Variants in PDGFC observed in about 807,000 individuals in gnomAD.
The protein encoded by PDGFC is platelet-derived growth factor C.
PDGFC carries 12 observed loss-of-function variants against 35.5 expected under a neutral mutation model. The observed-to-expected ratio is 0.34, with a 90% CI of 0.22 to 0.55. The LOEUF (loss-of-function observed/expected upper bound fraction) is 0.55. Among genes scored for constraint, PDGFC ranks in the 20% least tolerant of loss-of-function variants. The pLI, the probability that PDGFC is intolerant of heterozygous loss-of-function variation, is 0.91. For missense variants in PDGFC, 322 were observed against 412.4 expected (o/e 0.78, Z 1.90); for synonymous variants, 159 against 148.8 (o/e 1.07, Z -0.50).
chr4:156,798,152 A>C (rs1175962038), intron 3 of PDGFC, among the ~76,000 whole-genome samples: 1 of 152,216 alleles, frequency 6.6e-6, no homozygotes, highest in East Asian at 1.9e-4. Context: ...AGATTGCAAC[A>C]CTGCACTCCA....
intron 1 of PDGFC, among the ~76,000 whole-genome samples, chr4:156,951,095 A>C (rs1165230054): frequency 6.6e-6 from 1 of 151,900 alleles, no homozygotes; most frequent in Non-Finnish European, 1.5e-5. Context: ...CTAAACAAAT[A>C]ATGTTAAGAG....
intron 1 of PDGFC, among the ~76,000 whole-genome samples, chr4:156,856,222 C>T (rs17035329): frequency 0.11 from 17,043 of 152,052 alleles, 1,151 homozygotes; most frequent in African/African-American, 0.19. Flanking sequence ...AAAGTGATTG[C>T]TATATTCAGT....
In PDGFC at chr4:156,763,151, T is replaced by G. The variant is rs777243935; in HGVS notation, c.977A>C (p.Asp326Ala). 1.2e-6 allele frequency: 2 copies of G among 1,613,506 alleles called. No individual in the cohort carries two copies. Among genetic ancestry groups the G allele is most frequent in the Non-Finnish European group, 1.7e-6 (2 of 1,179,462 alleles). The change falls in exon 6 of 6, where the codon GAC becomes GCC. Residue 326 changes from aspartate (D) to alanine (A), a missense_variant. By Grantham distance (126) the Asp-to-Ala change is moderately radical. Around this residue, in one of 2 missense-constraint regions of PDGFC, gnomAD observed 202 missense variants for 295.9 expected, o/e 0.68. Coordinates refer to ENST00000502773, the MANE Select transcript of PDGFC (RefSeq NM_016205.3). The part of the protein sequence containing the change: ...GVRGLHKSLT[D>A]VALEHHEECD... ...CTCCTCATGGTGCTCCAGGGCCACG[T>G]CGGTGAGTGATTTGTGCAATCCCCT...
intron 3 of PDGFC, among the ~76,000 whole-genome samples, chr4:156,780,831 T>C (rs1287009433): frequency 6.6e-6 from 1 of 152,132 alleles, no homozygotes; most frequent in African/African-American, 2.4e-5. Context: ...CATGGCTGAA[T>C]CCAATGGTCT....
chr4:156,800,377 C>A (rs1000989849), intron 3 of PDGFC, among the ~76,000 whole-genome samples: 1 of 151,894 alleles, frequency 6.6e-6, no homozygotes, highest in African/African-American at 2.4e-5. Context: ...TATCAGAGGA[C>A]ATAAAAATGG....
chr4:156,810,427 T>C (rs1322816215), intron 3 of PDGFC, among the ~76,000 whole-genome samples: 5 of 151,986 alleles, frequency 3.3e-5, no homozygotes, highest in African/African-American at 9.7e-5. Flanking sequence ...ACTTCAATCA[T>C]ACATGATAAA....
chr4:156,851,480 T>C (rs1238672328), intron 1 of PDGFC, among the ~76,000 whole-genome samples: 2 of 152,130 alleles, frequency 1.3e-5, no homozygotes, highest in African/African-American at 4.8e-5. Flanking sequence ...GGGGAGAGAA[T>C]TGAGAGAAAG....
At chr4:156,957,548 G>A (rs1202463982) in intron 1 of PDGFC, among the ~76,000 whole-genome samples, 1 of 151,608 alleles carries the variant, frequency 6.6e-6, no homozygotes, top group Non-Finnish European at 1.5e-5. Flanking sequence ...TTTCCTTCAT[G>A]GCTTCCTCTT....
At chr4:156,764,347 G>C (rs1027178269) in intron 5 of PDGFC, among the ~76,000 whole-genome samples, 1 of 152,096 alleles carries the variant, frequency 6.6e-6, no homozygotes, top group Non-Finnish European at 1.5e-5. Context: ...CTTACTGGGT[G>C]CCAGGCACAA....
intron 1 of PDGFC, among the ~76,000 whole-genome samples, chr4:156,960,173 T>C (rs1008911861): frequency 2.0e-5 from 3 of 150,948 alleles, no homozygotes; most frequent in African/African-American, 7.3e-5. Flanking sequence ...GATTGCTGCT[T>C]TTGAAATAGA....
At chr4:156,823,212 C>T (rs1359188716) in intron 2 of PDGFC, among the ~76,000 whole-genome samples, 4 of 151,996 alleles carry the variant, frequency 2.6e-5, no homozygotes, top group African/African-American at 9.7e-5. Context: ...CAAGACCCAT[C>T]TGGACAACAT....
At chr4:156,824,311 TATATATATATATATATACAC>T (rs1354377824) in intron 2 of PDGFC, among the ~76,000 whole-genome samples, 2 of 45,852 alleles carry the variant, frequency 4.4e-5, no homozygotes, top group Non-Finnish European at 1.1e-4. Context: ...TATATATATA[TATATATATATATATATACAC>T]ACACACACAC....
At chr4:156,777,138 C>CAT (rs905705416) in intron 3 of PDGFC, among the ~76,000 whole-genome samples, 2 of 151,720 alleles carry the variant, frequency 1.3e-5, no homozygotes, top group Non-Finnish European at 1.5e-5. Flanking sequence ...TCTACATTTA[C>CAT]ATATATATAT....
At chr4:156,811,388 T>C (rs904102824) in intron 2 of PDGFC, among the ~76,000 whole-genome samples, 1 of 152,108 alleles carries the variant, frequency 6.6e-6, no homozygotes, top group East Asian at 1.9e-4. Context: ...CTATTATTAC[T>C]GCCCTTTATT....
chr4:156,785,894 A>C (rs541450289), intron 3 of PDGFC, among the ~76,000 whole-genome samples: 1 of 152,304 alleles, frequency 6.6e-6, no homozygotes, highest in Non-Finnish European at 1.5e-5. Context: ...TTGAAAAAAT[A>C]TCTTCCTACA....
intron 1 of PDGFC, among the ~76,000 whole-genome samples, chr4:156,927,379 TTTTTCTTTTCTATTGCA>T: frequency 6.6e-6 from 1 of 152,094 alleles, no homozygotes; most frequent in Admixed American, 6.5e-5. Context: ...CAAAAATGGG[TTTTTCTTTTCTATTGCA>T]TTGTCTGGCT....
chr4:156,920,566 A>T (rs1184389951), intron 1 of PDGFC, among the ~76,000 whole-genome samples: 1 of 152,044 alleles, frequency 6.6e-6, no homozygotes, highest in African/African-American at 2.4e-5. Flanking sequence ...GTCCCTAATT[A>T]AAAGAAAAAA....
intron 3 of PDGFC, among the ~76,000 whole-genome samples, chr4:156,792,089 G>T (rs774054809): frequency 6.6e-6 from 1 of 152,134 alleles, no homozygotes; most frequent in South Asian, 2.1e-4. Context: ...CAAGGTCCAA[G>T]GAAAACGCCT....
At chr4:156,851,523 C>T (rs1729451913) in intron 1 of PDGFC, among the ~76,000 whole-genome samples, 1 of 152,086 alleles carries the variant, frequency 6.6e-6, no homozygotes, top group South Asian at 2.1e-4. Flanking sequence ...AGGAAGTATT[C>T]CTATACCCAA....
Sources: allele counts gnomAD v4.1 joint callset (sites outside exome capture counted in the v4.1 genomes callset), GRCh38; gene constraint gnomAD v4.1.1; regional missense constraint gnomAD v4.1.1; transcripts MANE v1.5; gene names NCBI Gene and HGNC (gene_info 2026-07-23, HGNC 2026-07-21).